The following NEK9 variants were observed in gnomAD, a reference collection of about 807,000 sequenced individuals.
NEK9 encodes serine/threonine-protein kinase Nek9.
In NEK9, 75 loss-of-function variants were observed where a neutral mutation model predicts 123.4. The ratio of observed to expected loss-of-function variants is 0.61; its 90% CI spans 0.50 to 0.74. The LOEUF (loss-of-function observed/expected upper bound fraction) is 0.74, where lower values mean the gene tolerates loss of function less well. Among genes scored for constraint, NEK9 ranks in the 30% least tolerant of loss-of-function variants. The pLI is 0.00. For synonymous variants in NEK9, 438 were observed against 458.7 expected (o/e 0.95, Z 0.58); for missense variants, 952 against 1,214.4 (o/e 0.78, Z 3.21).
intron 14 of NEK9, among the ~76,000 whole-genome samples, chr14:75,102,430 C>T (rs983244104): frequency 6.6e-6 from 1 of 152,092 alleles, no homozygotes; most frequent in African/African-American, 2.4e-5. Flanking sequence ...TCACTGCAAG[C>T]CCCGCCTCCC....
Position 75,082,526 on chromosome 14 carries a change from A to T in NEK9, c.*2038T>A, listed in dbSNP as rs1893895778. ...AGATTCTCAGCCAGATTAATAGCAA[A>T]TCTAGACTTCCCAAGGGAATATGCT... is the stretch of plus-strand genomic sequence containing the variant. On this transcript the variant is annotated 3_prime_UTR_variant, in exon 22 of 22. Transcript: ENST00000238616. 1 of 154,388 alleles carries T rather than the reference A, an allele frequency of 6.5e-6. No homozygotes were observed. Among genetic ancestry groups the T allele is most frequent in the Admixed American group, 6.5e-5 (1 of 15,348 alleles). 9.6% of individuals were successfully genotyped at this position (154,388 alleles called of 1,614,324 possible).
At chr14:75,116,855 A>C (rs1895159288) in intron 6 of NEK9, among the ~76,000 whole-genome samples, 1 of 151,968 alleles carries the variant, frequency 6.6e-6, no homozygotes, top group African/African-American at 2.4e-5. Context: ...GGTTCAAGCA[A>C]TTTTTGTGCC....
Position 75,107,498 on chromosome 14 carries a change from AAG to A in NEK9, c.1183-13_1183-12del. 1 of 1,579,454 alleles carries A rather than the reference AAG, an allele frequency of 6.3e-7. No individual in the cohort carries two copies. The highest frequency in any genetic ancestry group is 8.6e-7 in the Non-Finnish European group (1 of 1,168,716). The stretch of plus-strand genomic sequence containing the variant: ...GCCTCCTTGCATGTTCTGTGAAATA[AAG>A]AGGTCTTATGACTTTTTTTTTTAAT... On this transcript the variant is annotated splice_polypyrimidine_tract_variant and intron_variant, in intron 10 of 21. Transcript: ENST00000238616.
chr14:75,101,605 A>G, intron 15 of NEK9, 52 bp downstream of exon 15: 1 of 1,270,690 alleles, frequency 7.9e-7, no homozygotes, highest in Non-Finnish European at 1.1e-6. Context: ...ACCTGATAGA[A>G]TAAAAGAGGC....
rs973293913 is a variant in NEK9 at position 75,109,164 on chromosome 14, AACAG to A, written c.1182+517_1182+520del. 2.6e-5 allele frequency among the ~76,000 whole-genome samples: 4 copies of A among 152,228 alleles called. 1 individual carries two copies. Among genetic ancestry groups the A allele is most frequent in the South Asian group, 2.1e-4 (1 of 4,830 alleles). On this transcript the variant is annotated intron_variant, in intron 10 of 21. Coordinates refer to ENST00000238616, the MANE Select transcript of NEK9 (RefSeq NM_033116.6). ...ATGAAGAGAGAGTGGGAGATAAGGA[AACAG>A]ACAGCAAACACAGACAATTTGTTAA... is the stretch of plus-strand genomic sequence containing the variant.
At chr14:75,099,137 A>C (rs555402096) in intron 16 of NEK9, among the ~76,000 whole-genome samples, 1 of 152,306 alleles carries the variant, frequency 6.6e-6, no homozygotes, top group African/African-American at 2.4e-5. Flanking sequence ...AGCAACAACA[A>C]AAAAGTTGAT....
At chr14:75,108,816 A>C (rs1295627755) in intron 10 of NEK9, among the ~76,000 whole-genome samples, 1 of 152,168 alleles carries the variant, frequency 6.6e-6, no homozygotes, top group African/African-American at 2.4e-5. Context: ...TGGCCTCCCG[A>C]AGTGCTGAGA....
In NEK9 at chr14:75,092,951, C is replaced by T. The variant is rs139178527; in HGVS notation, c.2234-1473G>A. Among the ~76,000 whole-genome samples the T allele has an allele frequency of 2.0e-3, 298 of 152,230 alleles. 2 individuals are homozygous for T. Among genetic ancestry groups the T allele is most frequent in the African/African-American group, 6.6e-3 (275 of 41,526 alleles). ...TACGGAAGCAGCAGAACTATAGTTA[C>T]CAAAGTGAGTTCTGAAGCTTACTTT... On this transcript the variant is annotated intron_variant, in intron 18 of 21. Transcript: ENST00000238616.
intron 13 of NEK9, among the ~76,000 whole-genome samples, chr14:75,105,035 G>A (rs1184008246): frequency 6.6e-6 from 1 of 152,134 alleles, no homozygotes; most frequent in Non-Finnish European, 1.5e-5. Context: ...TTATAGGAGA[G>A]GTGACAGAGT....
Position 75,101,067 on chromosome 14 carries a change from A to T in NEK9, c.1927T>A (p.Leu643Met). ...NYKKRLGINL[L>M]GGPLGGKQVI... ...TGCTTCCCACCAAGGGGTCCCCCCA[A>T]CAGGTTGATTCCCAGACGCTTCTTG... Residue 643 changes from leucine (L) to methionine (M), a missense_variant, in exon 16 of 22, where the codon TTG becomes ATG. Leu to Met is a conservative substitution (Grantham distance 15). This residue lies in a region of NEK9 where 698 missense variants were observed against 875.6 expected (regional missense o/e 0.80). Transcript: ENST00000238616. The T allele has an allele frequency of 6.2e-7, 1 of 1,614,258 alleles. No individual in the cohort carries two copies. Among genetic ancestry groups the T allele is most frequent in the Non-Finnish European group, 8.5e-7 (1 of 1,180,044 alleles).
chr14:75,093,162 T>G (rs1352891785), intron 18 of NEK9, among the ~76,000 whole-genome samples: 1 of 152,198 alleles, frequency 6.6e-6, no homozygotes, highest in African/African-American at 2.4e-5. Context: ...AATTAAAAAT[T>G]CAGTTCCTCA....
intron 6 of NEK9, among the ~76,000 whole-genome samples, chr14:75,115,928 CTTTA>C (rs764206433): frequency 1.1e-4 from 16 of 152,080 alleles, no homozygotes; most frequent in African/African-American, 1.4e-4. Context: ...CAATGACAAT[CTTTA>C]TTTATTTTTT....
intron 3 of NEK9, 21 bp from the exon 4 acceptor site, chr14:75,120,601 T>C (rs143434717): frequency 6.3e-7 from 1 of 1,592,928 alleles, no homozygotes; most frequent in Non-Finnish European, 8.6e-7. Flanking sequence ...AAAATAAATA[T>C]TTGGATTAGA....
intron 20 of NEK9, 116 bp from the exon 21 acceptor site, chr14:75,087,346 T>TATA: frequency 1.4e-6 from 1 of 691,258 alleles, no homozygotes; most frequent in Non-Finnish European, 2.4e-6. Context: ...ATAAATCATA[T>TATA]ATACACATGA....
At chr14:75,117,145 T>C in intron 6 of NEK9, 50 bp downstream of exon 6, 4 of 1,586,940 alleles carry the variant, frequency 2.5e-6, no homozygotes, top group Non-Finnish European at 3.4e-6. Context: ...AGTCAAGCTG[T>C]ACCATTTGCA....
intron 18 of NEK9, 123 bp downstream of exon 18, chr14:75,095,249 C>T: frequency 4.8e-6 from 3 of 630,358 alleles, no homozygotes; most frequent in Non-Finnish European, 8.5e-6. Context: ...CTCTCTTAAC[C>T]ACTGTATTCC....
At chr14:75,103,255 C>G (rs1894652000) in intron 14 of NEK9, among the ~76,000 whole-genome samples, 1 of 150,170 alleles carries the variant, frequency 6.7e-6, no homozygotes, top group Non-Finnish European at 1.5e-5. Flanking sequence ...TTTTTGAAGA[C>G]AGAATGGTAA....
At chr14:75,096,884 A>G (rs1894404012) in intron 17 of NEK9, 1 of 401,632 alleles carries the variant, frequency 2.5e-6, no homozygotes, top group Non-Finnish European at 4.4e-6. Flanking sequence ...GCCCAAACTT[A>G]TATTAAAAAA....
Position 75,114,316 on chromosome 14 carries a change from A to G in NEK9, c.763-3T>C, listed in dbSNP as rs1895057516. The stretch of plus-strand genomic sequence containing the variant: ...TTCACACACAGGTTAAGTGGGTTCT[A>G]TGAGAAAATGATGACTGCATTGTTC... On this transcript the variant is annotated splice_region_variant and splice_polypyrimidine_tract_variant and intron_variant, in intron 6 of 21. Transcript: ENST00000238616. 1 of 1,607,914 alleles carries G rather than the reference A, an allele frequency of 6.2e-7. No homozygotes were observed. Among genetic ancestry groups the G allele is most frequent in the Admixed American group, 1.7e-5 (1 of 60,002 alleles).
Sources: gnomAD v4.1 joint callset for allele counts (sites outside exome capture counted in the v4.1 genomes callset) on GRCh38, gnomAD v4.1.1 for gene constraint, gnomAD v4.1.1 regional missense constraint, MANE v1.5 for transcripts, NCBI Gene and HGNC (gene_info 2026-07-23, HGNC 2026-07-21) for gene names.